Variants in GPR139 observed in about 807,000 individuals in gnomAD.
The protein encoded by GPR139 is G protein-coupled receptor 139, also known as probable G protein-coupled receptor 139.
Under a neutral mutation model 25.8 loss-of-function variants are expected in GPR139, and 12 were observed. The observed-to-expected ratio is 0.47, with a 90% confidence interval of 0.30 to 0.75. GPR139 has a LOEUF of 0.75. GPR139 is among the 30% of genes least tolerant of loss of function. GPR139 has a pLI of 0.07. For missense variants in GPR139, 380 were observed against 450.2 expected, an observed-to-expected ratio of 0.84 and a Z score of 1.41; for synonymous variants, 184 against 179.9, an observed-to-expected ratio of 1.02 and a Z score of -0.18.
chr16:20,072,615 C>G (rs569477284), intron 1 of GPR139, among the ~76,000 whole-genome samples: 1 of 152,320 alleles, frequency 6.6e-6, no homozygotes, highest in Non-Finnish European at 1.5e-5. Context: ...CTCTCTCGCT[C>G]TCTCTCGCAC....
chr16:20,067,719 G>A (rs541486229), intron 1 of GPR139, among the ~76,000 whole-genome samples: 8 of 144,416 alleles, frequency 5.5e-5, no homozygotes, highest in South Asian at 2.2e-4. Context: ...AAGAAGAATC[G>A]CTTGAATCCA....
chr16:20,041,252 G>A (rs8062996), intron 1 of GPR139, among the ~76,000 whole-genome samples: 46 of 888 alleles, frequency 0.052, 22 homozygotes, highest in Non-Finnish European at 0.072. Context: ...AGAGGAGAGG[G>A]AAGGAGAAAA....
chr16:20,032,878 C>T (rs1170456542), intron 1 of GPR139, among the ~76,000 whole-genome samples: 1 of 152,230 alleles, frequency 6.6e-6, no homozygotes, highest in Admixed American at 6.5e-5. Context: ...TCTAACACAA[C>T]CATGAGAGGT....
At chr16:20,041,644 G>A (rs2141204702) in intron 1 of GPR139, among the ~76,000 whole-genome samples, 1 of 152,256 alleles carries the variant, frequency 6.6e-6, no homozygotes, top group Admixed American at 6.5e-5. Flanking sequence ...AGGTCTCCAG[G>A]AGGTTCGGTG....
In GPR139 at chr16:20,073,310, C is replaced by G. The variant is rs2057467113; in HGVS notation, c.127+180G>C. On this transcript the variant is annotated intron_variant, in intron 1 of 1. Coordinates refer to ENST00000570682, the MANE Select transcript of GPR139 (RefSeq NM_001002911.4). This position sits in a 1 kb window ranked among gnomAD's most constrained non-coding sequence, Gnocchi z 4.7. ...CGCGCGCACACACACACACACGGTC[C>G]CCAGCTAGGGCACAGCAACTTCCTT... Among the ~76,000 whole-genome samples the G allele has an allele frequency of 6.6e-6, 1 of 151,644 alleles. No homozygotes were observed. The highest frequency in any genetic ancestry group is 6.6e-5 in the Admixed American group (1 of 15,220).
rs748458775 is a variant in GPR139 at position 20,038,325 on chromosome 16, A to ATGTGTGTG, written c.128-5657_128-5656insCACACACA. On this transcript the variant is annotated intron_variant, in intron 1 of 1. Coordinates refer to ENST00000570682, the MANE Select transcript of GPR139 (RefSeq NM_001002911.4). ...ACAGGTTTAAGTTCCTGGATAATAT[A>ATGTGTGTG]TATATGTGTGTGTGTGTGTGTGTGT... Among the ~76,000 whole-genome samples the ATGTGTGTG allele has an allele frequency of 3.7e-4, 18 of 48,932 alleles. No individual in the cohort carries two copies. In the East Asian group the frequency reaches 8.1e-3, roughly 22 times the overall value. 32.1% of individuals were successfully genotyped at this position (48,932 alleles called of 152,430 possible).
chr16:20,069,455 C>T (rs1445485665), intron 1 of GPR139, among the ~76,000 whole-genome samples: 2 of 152,180 alleles, frequency 1.3e-5, no homozygotes, highest in Non-Finnish European at 2.9e-5. Context: ...TGACAGATCA[C>T]CAGTTTTCTA....
chr16:20,049,978 A>G (rs1400591351), intron 1 of GPR139, among the ~76,000 whole-genome samples: 1 of 152,166 alleles, frequency 6.6e-6, no homozygotes, highest in African/African-American at 2.4e-5. Flanking sequence ...CTTTCTTTCC[A>G]TTGCAAATAG....
rs1221718312 is a variant in GPR139, at chr16:20,031,162, C to G, written c.*573G>C. Among the ~76,000 whole-genome samples the G allele has an allele frequency of 6.6e-6, 1 of 152,098 alleles. No individual in the cohort carries two copies. The highest frequency in any genetic ancestry group is 2.4e-5 in the African/African-American group (1 of 41,414). ...GCCACAGTTTGGATGGGATCCAATA[C>G]TCTTCTATTCCCACAGTGTCATTCT... is the stretch of plus-strand genomic sequence containing the variant. On this transcript the variant is annotated 3_prime_UTR_variant, in exon 2 of 2. Coordinates refer to ENST00000570682, the MANE Select transcript of GPR139 (RefSeq NM_001002911.4).
At chr16:20,052,623 C>A (rs906720203) in intron 1 of GPR139, among the ~76,000 whole-genome samples, 1 of 152,116 alleles carries the variant, frequency 6.6e-6, no homozygotes, top group African/African-American at 2.4e-5. Flanking sequence ...CGGTGAAACC[C>A]CGCCTCTCCT....
chr16:20,073,385 C>A lies in GPR139; in HGVS notation c.127+105G>T. On this transcript the variant is annotated intron_variant, in intron 1 of 1. Coordinates refer to ENST00000570682, the MANE Select transcript of GPR139 (RefSeq NM_001002911.4). The surrounding 1 kb of genome is among the most constrained non-coding windows in gnomAD (Gnocchi z 4.7). ...GTTGCCCTTAAAGCTTAAACTTTTT[C>A]CGAGGGGGCGCCAGGGAACGCACGG... 6.6e-7 allele frequency: 1 copy of A among 1,509,036 alleles called. No individual in the cohort carries two copies. Among genetic ancestry groups the A allele is most frequent in the Non-Finnish European group, 9.0e-7 (1 of 1,115,022 alleles). The allele number at this position is 1,509,036 out of a possible 1,614,324, so 93.5% of individuals were successfully genotyped here. A position where few individuals can be genotyped will look rare whatever the true frequency, so the allele number is the denominator to read the frequency against.
At chr16:20,033,670 T>C (rs1362552069) in intron 1 of GPR139, among the ~76,000 whole-genome samples, 2 of 152,152 alleles carry the variant, frequency 1.3e-5, no homozygotes, top group African/African-American at 4.8e-5. Flanking sequence ...TTACATTTGT[T>C]TTTGGAATAG....
At chr16:20,062,147 T>C (rs1202900177) in intron 1 of GPR139, among the ~76,000 whole-genome samples, 2 of 152,184 alleles carry the variant, frequency 1.3e-5, no homozygotes, top group Non-Finnish European at 2.9e-5. Context: ...TAGAACAGTG[T>C]TCCCCAGACT....
rs1397656824 is a variant in GPR139, at chr16:20,031,362, C to A, written c.*373G>T. 1 of 243,068 alleles carries A rather than the reference C, an allele frequency of 4.1e-6. No individual in the cohort carries two copies. The highest frequency in any genetic ancestry group is 9.6e-5 in the East Asian group (1 of 10,424). The allele number at this position is 243,068 out of a possible 1,614,324, so 15.1% of individuals were successfully genotyped here. ...CAGGCTCAGCTATGTGCTACTGGGG[C>A]TTGGTAAGTCCCATAAATGAAGGGT... On this transcript the variant is annotated 3_prime_UTR_variant, in exon 2 of 2. Coordinates refer to ENST00000570682, the MANE Select transcript of GPR139 (RefSeq NM_001002911.4).
At chr16:20,035,153 GT>G (rs915656585) in intron 1 of GPR139, among the ~76,000 whole-genome samples, 2 of 151,454 alleles carry the variant, frequency 1.3e-5, no homozygotes, top group African/African-American at 4.8e-5. Context: ...AGTATTACCA[GT>G]TTTTTTTTAA....
chr16:20,067,608 C>T (rs1272319695), intron 1 of GPR139, among the ~76,000 whole-genome samples: 1 of 151,920 alleles, frequency 6.6e-6, no homozygotes, highest in Non-Finnish European at 1.5e-5. Flanking sequence ...AGTTTGAGAC[C>T]AGCCTGACCA....
intron 1 of GPR139, among the ~76,000 whole-genome samples, chr16:20,068,937 A>G (rs2057448173): frequency 6.6e-6 from 1 of 151,880 alleles, no homozygotes; most frequent in Non-Finnish European, 1.5e-5. Context: ...TGATTTTCAC[A>G]TGTCGAACCA....
chr16:20,039,438 CTG>C (rs888256318), intron 1 of GPR139, among the ~76,000 whole-genome samples: 27 of 152,312 alleles, frequency 1.8e-4, no homozygotes, highest in African/African-American at 6.3e-4. Context: ...TCTTTAAAAA[CTG>C]TTTTTTCAAT....
intron 1 of GPR139, among the ~76,000 whole-genome samples, chr16:20,063,781 A>C (rs1198626104): frequency 6.6e-6 from 1 of 152,216 alleles, no homozygotes; most frequent in African/African-American, 2.4e-5. Context: ...TGATTTCGTG[A>C]AAAGTGAACT....
Sources: allele counts gnomAD v4.1 joint callset (sites outside exome capture counted in the v4.1 genomes callset), GRCh38; gene constraint gnomAD v4.1.1; non-coding constraint Gnocchi (gnomAD v3.1); transcripts MANE v1.5; gene names NCBI Gene and HGNC (gene_info 2026-07-23, HGNC 2026-07-21).